LYZL4: variants seen among roughly 807,000 people sequenced by gnomAD.
The protein encoded by LYZL4 is lysozyme like 4.
Under a neutral mutation model 17.6 loss-of-function variants are expected in LYZL4, and 13 were observed. That is an observed-to-expected ratio of 0.74 (90% CI 0.48 to 1.18). LYZL4 has a LOEUF of 1.18. Among genes scored for constraint, LYZL4 ranks in the 50% most tolerant of loss-of-function variants. LYZL4 has a pLI of 0.00. For synonymous variants in LYZL4, 64 were observed against 67.7 expected, an observed-to-expected ratio of 0.95 and a Z score of 0.27; for missense variants, 174 against 188.2, an observed-to-expected ratio of 0.92 and a Z score of 0.44.
the LYZL4 span, among the ~76,000 whole-genome samples, chr3:42,369,961 T>A: frequency 3.3e-5 from 5 of 152,146 alleles, no homozygotes; most frequent in African/African-American, 1.2e-4. Context: ...GTGGGAGGAC[T>A]GCTTGAGCTC....
At chr3:42,371,006 C>T in the LYZL4 span, among the ~76,000 whole-genome samples, 1 of 152,176 alleles carries the variant, frequency 6.6e-6, no homozygotes, top group Non-Finnish European at 1.5e-5. Context: ...TCCCTGTTTC[C>T]TCCCTGGAGG....
chr3:42,407,907 A>G (rs949702991), intron 1 of LYZL4, among the ~76,000 whole-genome samples: 6 of 152,158 alleles, frequency 3.9e-5, no homozygotes, highest in African/African-American at 1.4e-4. Flanking sequence ...CAGACCTGCC[A>G]CATACTAGCC....
the LYZL4 span, among the ~76,000 whole-genome samples, chr3:42,371,980 T>A: frequency 6.6e-6 from 1 of 152,232 alleles, no homozygotes; most frequent in African/African-American, 2.4e-5. Context: ...AGGCTGCTAT[T>A]CTGTGGCCAG....
chr3:42,386,722 C>T, the LYZL4 span, among the ~76,000 whole-genome samples: 1 of 152,112 alleles, frequency 6.6e-6, no homozygotes, highest in African/African-American at 2.4e-5. Context: ...TAAGAAGTTA[C>T]TGTTAATTTT....
chr3:42,404,266 A>T, intron 3 of LYZL4, 142 bp from the exon 4 acceptor site: 1 of 566,256 alleles, frequency 1.8e-6, no homozygotes, highest in Non-Finnish European at 3.1e-6. Context: ...TTTTTATTAG[A>T]CAACCCTAAG....
At chr3:42,375,442 C>A in the LYZL4 span, among the ~76,000 whole-genome samples, 1 of 152,204 alleles carries the variant, frequency 6.6e-6, no homozygotes, top group South Asian at 2.1e-4. Flanking sequence ...AGCCATCCTG[C>A]CAAATGAGCG....
At chr3:42,403,896 G>A (rs778108203) in intron 4 of LYZL4, 150 bp downstream of exon 4, 231 of 543,870 alleles carry the variant, frequency 4.2e-4, no homozygotes, top group Non-Finnish European at 6.6e-4. Context: ...GTGGCCTTGA[G>A]GTTGTGGTTT....
chr3:42,362,904 A>C, the LYZL4 span, among the ~76,000 whole-genome samples: 1 of 152,174 alleles, frequency 6.6e-6, no homozygotes, highest in Non-Finnish European at 1.5e-5. Flanking sequence ...AGCATCCTTT[A>C]CCATGGGAAA....
the LYZL4 span, among the ~76,000 whole-genome samples, chr3:42,386,938 C>T: frequency 6.6e-6 from 1 of 152,174 alleles, no homozygotes; most frequent in Non-Finnish European, 1.5e-5. Flanking sequence ...TGGGGGTTCA[C>T]TGTGCTTTGT....
rs907964931 is a variant in LYZL4 at position 42,403,362 on chromosome 3, C to A, written c.371+684G>T. On this transcript the variant is annotated intron_variant, in intron 4 of 4. Coordinates refer to ENST00000287748, the MANE Select transcript of LYZL4 (RefSeq NM_144634.4). Reference sequence around the variant, plus strand: ...ACAACCTCTGCCTTGTGTGTTCAAGCGATTCTCCTGTCTCAGCCTCCCGAG... The same window carrying A: ...ACAACCTCTGCCTTGTGTGTTCAAGAGATTCTCCTGTCTCAGCCTCCCGAG... 2.0e-5 allele frequency among the ~76,000 whole-genome samples: 3 copies of A among 151,782 alleles called. No individual in the cohort carries two copies. In the East Asian group the frequency reaches 5.8e-4, roughly 29 times the overall value.
At chr3:42,380,993 C>T in the LYZL4 span, among the ~76,000 whole-genome samples, 5 of 152,212 alleles carry the variant, frequency 3.3e-5, no homozygotes, top group Non-Finnish European at 5.9e-5. Flanking sequence ...ATGCTTCTGC[C>T]TTGAGAAGTG....
At chr3:42,404,729 T>C (rs1280217991) in intron 3 of LYZL4, among the ~76,000 whole-genome samples, 1 of 152,216 alleles carries the variant, frequency 6.6e-6, no homozygotes, top group Non-Finnish European at 1.5e-5. Context: ...TAGATATCTA[T>C]CAATCTATAT....
chr3:42,400,902 A>G (rs9876135), intron 4 of LYZL4, among the ~76,000 whole-genome samples: 4,414 of 152,068 alleles, frequency 0.029, 203 homozygotes, highest in African/African-American at 0.099. Flanking sequence ...GAAATGGAGG[A>G]TTTTCATGCA....
the LYZL4 span, among the ~76,000 whole-genome samples, chr3:42,361,491 T>C: frequency 2.6e-5 from 4 of 152,132 alleles, no homozygotes; most frequent in East Asian, 7.7e-4. Flanking sequence ...TGTTTTCTAA[T>C]AAAAAAATTA....
chr3:42,405,712 G>A (rs1698737047), intron 3 of LYZL4, among the ~76,000 whole-genome samples: 1 of 152,090 alleles, frequency 6.6e-6, no homozygotes, highest in Admixed American at 6.5e-5. Flanking sequence ...GCCCAGCTAT[G>A]TAGCCTCTTG....
In LYZL4 at chr3:42,402,886, G is replaced by A. The variant is rs142427172; in HGVS notation, c.371+1160C>T. 4.1e-4 allele frequency among the ~76,000 whole-genome samples: 62 copies of A among 152,202 alleles called. No homozygotes were observed. In the East Asian group the frequency reaches 7.7e-3, roughly 19 times the overall value. The stretch of plus-strand genomic sequence containing the variant: ...ATAGAGGAATGCATAAGTAACCTGC[G>A]GTGAATCCACACAATGGAATACTGT... On this transcript the variant is annotated intron_variant, in intron 4 of 4. Coordinates refer to ENST00000287748, the MANE Select transcript of LYZL4 (RefSeq NM_144634.4).
At chr3:42,366,845 T>G in the LYZL4 span, among the ~76,000 whole-genome samples, 1 of 152,084 alleles carries the variant, frequency 6.6e-6, no homozygotes, top group Non-Finnish European at 1.5e-5. Context: ...CACAAAGAAG[T>G]GATTGGGAAA....
the LYZL4 span, among the ~76,000 whole-genome samples, chr3:42,363,677 G>A: frequency 1.3e-5 from 2 of 152,300 alleles, no homozygotes; most frequent in East Asian, 1.9e-4. Flanking sequence ...GTTGCTGAAG[G>A]AAAGCTCTAT....
chr3:42,393,541 G>C (rs1698516096), downstream of LYZL4, among the ~76,000 whole-genome samples: 1 of 152,214 alleles, frequency 6.6e-6, no homozygotes, highest in South Asian at 2.1e-4. Context: ...TGTTGCGGTA[G>C]GAAAAATGAG....
Sources: gnomAD v4.1 joint callset for allele counts (sites outside exome capture counted in the v4.1 genomes callset) on GRCh38, gnomAD v4.1.1 for gene constraint, MANE v1.5 for transcripts, NCBI Gene and HGNC (gene_info 2026-07-23, HGNC 2026-07-21) for gene names.